The following TRPM3 variants were observed in gnomAD, a reference collection of about 807,000 sequenced individuals.
The protein encoded by TRPM3 is long transient receptor potential channel 3.
TRPM3 carries 77 observed loss-of-function variants against 181.2 expected under a neutral mutation model. That is an observed-to-expected ratio of 0.42 (90% CI 0.35 to 0.51). The LOEUF (loss-of-function observed/expected upper bound fraction) is 0.51. TRPM3 is among the 20% of genes least tolerant of loss of function. The pLI is 0.01. For synonymous variants in TRPM3, 745 were observed against 796.4 expected (o/e 0.94, Z 1.09); for missense variants, 1,759 against 2,196.7 (o/e 0.80, Z 3.98).
intron 1 of TRPM3, among the ~76,000 whole-genome samples, chr9:71,127,616 T>C (rs1234298689): frequency 2.0e-5 from 3 of 152,242 alleles, no homozygotes; most frequent in African/African-American, 7.2e-5. Flanking sequence ...TCCAGGTTTT[T>C]GTGAAGGTTA....
intron 1 of TRPM3, among the ~76,000 whole-genome samples, chr9:71,353,571 T>G (rs999447606): frequency 4.6e-5 from 7 of 152,204 alleles, no homozygotes; most frequent in African/African-American, 1.7e-4. Flanking sequence ...CCTTCTGTGG[T>G]CTCTTTCCTT....
At chr9:70,754,681 G>C (rs1392203457) in intron 8 of TRPM3, among the ~76,000 whole-genome samples, 1 of 152,130 alleles carries the variant, frequency 6.6e-6, no homozygotes, top group Non-Finnish European at 1.5e-5. Context: ...ATCAACTCTA[G>C]AACCAAATAG....
intron 1 of TRPM3, among the ~76,000 whole-genome samples, chr9:71,238,687 T>C (rs2081499410): frequency 6.6e-6 from 1 of 152,234 alleles, no homozygotes; most frequent in South Asian, 2.1e-4. Flanking sequence ...TTGTAACTGC[T>C]AGAACTTTAA....
chr9:70,868,578 CAG>C (rs1046851600), intron 1 of TRPM3, among the ~76,000 whole-genome samples: 1 of 151,968 alleles, frequency 6.6e-6, no homozygotes, highest in Non-Finnish European at 1.5e-5. Context: ...TCAAGTTCTC[CAG>C]GCAGGAAGAT....
chr9:71,305,740 G>A (rs916381714), intron 1 of TRPM3, among the ~76,000 whole-genome samples: 4 of 152,100 alleles, frequency 2.6e-5, no homozygotes, highest in African/African-American at 4.8e-5. Flanking sequence ...GTAGGAAAGC[G>A]CTAACAGGTG....
chr9:70,797,142 A>G (rs2087307153), intron 6 of TRPM3, among the ~76,000 whole-genome samples: 1 of 152,180 alleles, frequency 6.6e-6, no homozygotes, highest in Non-Finnish European at 1.5e-5. Context: ...GAAAAAACAA[A>G]AAGGTAGATA....
At chr9:71,341,067 A>G (rs780016908) in intron 1 of TRPM3, among the ~76,000 whole-genome samples, 7 of 152,148 alleles carry the variant, frequency 4.6e-5, no homozygotes, top group Non-Finnish European at 8.8e-5. Flanking sequence ...TACTATACCT[A>G]TGAGTCTATA....
At chr9:71,173,632 C>T (rs946617564) in intron 1 of TRPM3, among the ~76,000 whole-genome samples, 3 of 152,202 alleles carry the variant, frequency 2.0e-5, no homozygotes, top group African/African-American at 7.2e-5. Flanking sequence ...TGGAAAATTT[C>T]ACAAGGGGTC....
chr9:70,802,930 T>G (rs964865687), intron 6 of TRPM3, among the ~76,000 whole-genome samples: 1 of 151,508 alleles, frequency 6.6e-6, no homozygotes, highest in African/African-American at 2.4e-5. Context: ...TTGTTTTTCC[T>G]TCTTCTCATT....
At chr9:71,187,772 T>G (rs2077760932) in intron 1 of TRPM3, among the ~76,000 whole-genome samples, 1 of 151,886 alleles carries the variant, frequency 6.6e-6, no homozygotes, top group South Asian at 2.1e-4. Context: ...TTCAGACATA[T>G]TCCAAGAATA....
intron 1 of TRPM3, among the ~76,000 whole-genome samples, chr9:71,168,650 T>G (rs1320120961): frequency 6.7e-6 from 1 of 148,164 alleles, no homozygotes; most frequent in Non-Finnish European, 1.5e-5. Context: ...TATTTTTTTT[T>G]TTATTATTAC....
At chr9:70,807,052 A>T (rs575774678) in intron 6 of TRPM3, among the ~76,000 whole-genome samples, 1 of 152,196 alleles carries the variant, frequency 6.6e-6, no homozygotes, top group Non-Finnish European at 1.5e-5. Context: ...AAAACTGTTG[A>T]TCATGGCAGA....
intron 1 of TRPM3, among the ~76,000 whole-genome samples, chr9:71,097,480 G>A (rs2067522471): frequency 1.3e-5 from 2 of 151,826 alleles, no homozygotes; most frequent in Non-Finnish European, 2.9e-5. Context: ...ACATTTTTTA[G>A]TTTAAAGGTT....
At chr9:71,279,830 C>T (rs576147975) in intron 1 of TRPM3, among the ~76,000 whole-genome samples, 12 of 152,272 alleles carry the variant, frequency 7.9e-5, no homozygotes, top group African/African-American at 2.6e-4. Context: ...GTAATCCCAG[C>T]ACTTTGGGAG....
intron 1 of TRPM3, among the ~76,000 whole-genome samples, chr9:71,288,826 G>C (rs1009529941): frequency 2.0e-5 from 3 of 152,084 alleles, no homozygotes. Context: ...CTGCAGATAT[G>C]AAACTGGAAG....
intron 18 of TRPM3, among the ~76,000 whole-genome samples, chr9:70,612,983 C>T (rs1371294649): frequency 6.6e-6 from 1 of 152,102 alleles, no homozygotes; most frequent in Non-Finnish European, 1.5e-5. Context: ...ATAGACATGT[C>T]CTGGGTCTGT....
intron 22 of TRPM3, among the ~76,000 whole-genome samples, chr9:70,554,676 G>C (rs1211710688): frequency 6.6e-6 from 1 of 152,178 alleles, no homozygotes; most frequent in Non-Finnish European, 1.5e-5. Flanking sequence ...CATGAAAGTT[G>C]AGCCCACTGA....
At chr9:71,271,211 G>A (rs747087584) in intron 1 of TRPM3, among the ~76,000 whole-genome samples, 1 of 152,142 alleles carries the variant, frequency 6.6e-6, no homozygotes, top group East Asian at 1.9e-4. Context: ...CCTGTCACGT[G>A]TTATGAAATT....
In TRPM3 at chr9:71,428,143, G is replaced by A. The variant is rs1487097467; in HGVS notation, c.183+18510C>T. Among the ~76,000 whole-genome samples the A allele has an allele frequency of 5.3e-5, 8 of 151,680 alleles. 1 individual carries two copies. In the South Asian group the frequency reaches 1.0e-3, roughly 20 times the overall value. Reference sequence around the variant, plus strand: ...TTTCATTCTTGTTGCCCAGGCTGCAGTGCAATGGTGCAATCTCAGCTCATT... The same window carrying A: ...TTTCATTCTTGTTGCCCAGGCTGCAATGCAATGGTGCAATCTCAGCTCATT... On this transcript the variant is annotated intron_variant, in intron 1 of 24. Transcript: ENST00000357533.
Sources: gnomAD v4.1 joint callset for allele counts (sites outside exome capture counted in the v4.1 genomes callset) on GRCh38, gnomAD v4.1.1 for gene constraint, MANE v1.5 for transcripts, NCBI Gene and HGNC (gene_info 2026-07-23, HGNC 2026-07-21) for gene names.